The following DERA variants were observed in gnomAD, a reference collection of about 807,000 sequenced individuals.
The protein encoded by DERA is 2-deoxy-D-ribose 5-phosphate aldolase.
A neutral mutation model predicts 41.1 loss-of-function variants in DERA; 15 were observed. The observed-to-expected ratio is 0.37, with a 90% confidence interval of 0.24 to 0.56. The LOEUF (loss-of-function observed/expected upper bound fraction) is 0.56, where lower values mean the gene tolerates loss of function less well. Among genes scored for constraint, DERA ranks in the 20% least tolerant of loss-of-function variants. The pLI, the probability that DERA is intolerant of heterozygous loss-of-function variation, is 0.81. For synonymous variants in DERA, 139 were observed against 137.4 expected (o/e 1.01, Z -0.08); for missense variants, 396 against 403.4 (o/e 0.98, Z 0.16).
rs554681578 is a variant in DERA at position 15,976,741 on chromosome 12, A to T, written c.509-5567A>T. Among the ~76,000 whole-genome samples, 24 of 152,294 alleles carry T rather than the reference A, an allele frequency of 1.6e-4. No individual in the cohort carries two copies. The highest frequency in any genetic ancestry group is 3.4e-3 in the Middle Eastern group (1 of 294). ...TTCCTAACCGTTTTAATACTTTTAT[A>T]TTTATTGGCAGAATTTGAGAAGGGT... On this transcript the variant is annotated intron_variant, in intron 5 of 8. Coordinates refer to ENST00000428559, the MANE Select transcript of DERA (RefSeq NM_015954.4). This position sits in a 1 kb window ranked among gnomAD's most constrained non-coding sequence, Gnocchi z 4.1.
intron 5 of DERA, among the ~76,000 whole-genome samples, chr12:15,979,836 A>G (rs2069410644): frequency 6.6e-6 from 1 of 152,250 alleles, no homozygotes. Context: ...GGTTAATTTT[A>G]ACTATACTTC....
At position 15,935,882 on chromosome 12, in the gene DERA, A is replaced by G. The variant is rs1387451072; in HGVS notation, c.32-21054A>G. ...TCTCTCATGAGGTTGCAATCAAGTTATTGGCCCAGGCAGCCATCACCTGAA... is the reference window on the plus strand; with the variant it reads ...TCTCTCATGAGGTTGCAATCAAGTTGTTGGCCCAGGCAGCCATCACCTGAA... On this transcript the variant is annotated intron_variant, in intron 1 of 8. Transcript: ENST00000428559. The surrounding 1 kb of genome is among the most constrained non-coding windows in gnomAD (Gnocchi z 4.8). Among the ~76,000 whole-genome samples, 1 of 152,162 alleles carries G rather than the reference A, an allele frequency of 6.6e-6. No homozygotes were observed. Among genetic ancestry groups the G allele is most frequent in the African/African-American group, 2.4e-5 (1 of 41,436 alleles).
rs958299473 is a variant in DERA at position 15,984,176 on chromosome 12, C to T, written c.637+1740C>T. 2.0e-4 allele frequency among the ~76,000 whole-genome samples: 31 copies of T among 152,258 alleles called. 1 individual carries two copies. Among genetic ancestry groups the T allele is most frequent in the Middle Eastern group, 3.4e-3 (1 of 294 alleles). ...GCTGAGATACTCCTCAGGGTCACAT[C>T]GGAGCCAATCTTGTGATACCTGTTA... On this transcript the variant is annotated intron_variant, in intron 6 of 8. Coordinates refer to ENST00000428559, the MANE Select transcript of DERA (RefSeq NM_015954.4). The surrounding 1 kb of genome is among the most constrained non-coding windows in gnomAD (Gnocchi z 4.5).
rs1948564166 is a variant in DERA, at chr12:15,959,143, A to G, written c.278-686A>G. Among the ~76,000 whole-genome samples the G allele has an allele frequency of 1.3e-5, 2 of 151,970 alleles. No individual in the cohort carries two copies. ...GTTTAGGTTTGTAGGTAACATACAA[A>G]CCTAAACAACTCTACGGCTTTTGAA... is the stretch of plus-strand genomic sequence containing the variant. On this transcript the variant is annotated intron_variant, in intron 3 of 8. Transcript: ENST00000428559. The surrounding 1 kb of genome is among the most constrained non-coding windows in gnomAD (Gnocchi z 4.5).
Position 16,036,722 on chromosome 12 carries a change from T to C in DERA, c.933T>C (p.Ala311=). The change falls in exon 9 of 9, where the codon GCT becomes GCC. Residue 311 remains alanine (A), a synonymous_variant. Transcript: ENST00000428559. The surrounding 1 kb of genome is among the most constrained non-coding windows in gnomAD (Gnocchi z 4.9). ...IYHHVTGRYA[A]YHDLPMS ...ATCATGTGACTGGAAGATATGCAGC[T>C]TATCATGATCTTCCAATGTCTTAAA... is the stretch of plus-strand genomic sequence containing the variant. 1.2e-6 allele frequency: 2 copies of C among 1,601,122 alleles called. No individual in the cohort carries two copies. Among genetic ancestry groups the C allele is most frequent in the Non-Finnish European group, 1.7e-6 (2 of 1,176,016 alleles).
intron 1 of DERA, among the ~76,000 whole-genome samples, chr12:15,949,857 C>T (rs1948483922): frequency 6.6e-6 from 1 of 152,172 alleles, no homozygotes; most frequent in African/African-American, 2.4e-5. Flanking sequence ...CCTGTTTCTT[C>T]TTTTTTAAAA....
In DERA at chr12:15,915,713, A is replaced by T. The variant is rs1948194139; in HGVS notation, c.31+4299A>T. On this transcript the variant is annotated intron_variant, in intron 1 of 8. Coordinates refer to ENST00000428559, the MANE Select transcript of DERA (RefSeq NM_015954.4). The surrounding 1 kb of genome is among the most constrained non-coding windows in gnomAD (Gnocchi z 4.8). ...GTGCTTAGGTGCTGGGTATAATGAT[A>T]GTGTCAACACAGAGCTCTAGCTACT... Among the ~76,000 whole-genome samples, 1 of 152,202 alleles carries T rather than the reference A, an allele frequency of 6.6e-6. No homozygotes were observed. The highest frequency in any genetic ancestry group is 2.4e-5 in the African/African-American group (1 of 41,446).
chr12:15,979,383 A>G (rs1948718583), intron 5 of DERA, among the ~76,000 whole-genome samples: 1 of 152,182 alleles, frequency 6.6e-6, no homozygotes, highest in African/African-American at 2.4e-5. Context: ...ATCTCCTGCT[A>G]TTGCTGATGC....
Position 15,958,293 on chromosome 12 carries a change from A to G in DERA, c.235A>G (p.Ile79Val), listed in dbSNP as rs1948556079. ...QRLCYKAKYP[I>V]REDLLKALNM... The stretch of plus-strand genomic sequence containing the variant: ...GCTCTGTTATAAAGCCAAATACCCA[A>G]TCCGGGAAGATCTCTTAAAAGCTTT... Residue 79 changes from isoleucine to valine, a missense_variant, in exon 3 of 9, where the codon ATC becomes GTC. Coordinates refer to ENST00000428559, the MANE Select transcript of DERA (RefSeq NM_015954.4). The G allele has an allele frequency of 1.2e-6, 2 of 1,603,260 alleles. No individual in the cohort carries two copies. The highest frequency in any genetic ancestry group is 1.3e-5 in the African/African-American group (1 of 74,734).
intron 6 of DERA, among the ~76,000 whole-genome samples, chr12:16,032,185 T>C (rs575139162): frequency 9.8e-5 from 15 of 152,298 alleles, no homozygotes; most frequent in Admixed American, 5.9e-4. Flanking sequence ...TCCTGTTTTG[T>C]AGTAAAATGT....
rs1463546308 is a variant in DERA at position 15,935,838 on chromosome 12, G to A, written c.32-21098G>A. ...TCAAAAATTTGAGAATGGCTTAGCT[G>A]GGTGGTTCTGGCTTGGGGTCTCTCA... On this transcript the variant is annotated intron_variant, in intron 1 of 8. Coordinates refer to ENST00000428559, the MANE Select transcript of DERA (RefSeq NM_015954.4). This position sits in a 1 kb window ranked among gnomAD's most constrained non-coding sequence, Gnocchi z 4.8. Among the ~76,000 whole-genome samples the A allele has an allele frequency of 6.6e-6, 1 of 152,114 alleles. No individual in the cohort carries two copies. Among genetic ancestry groups the A allele is most frequent in the Admixed American group, 6.6e-5 (1 of 15,260 alleles).
At position 15,959,941 on chromosome 12, in the gene DERA, C is replaced by G. The variant is rs1480179701; in HGVS notation, c.373+17C>G. On this transcript the variant is annotated intron_variant, in intron 4 of 8. Coordinates refer to ENST00000428559, the MANE Select transcript of DERA (RefSeq NM_015954.4). This position sits in a 1 kb window ranked among gnomAD's most constrained non-coding sequence, Gnocchi z 4.5. ...TGGCATCAGGTAAAATGTGTTGTGG[C>G]TTTTGTTGTTATTTTTTAAACATGT... 2 of 1,517,294 alleles carry G rather than the reference C, an allele frequency of 1.3e-6. No individual in the cohort carries two copies. The highest frequency in any genetic ancestry group is 1.8e-6 in the Non-Finnish European group (2 of 1,120,068). 94.0% of individuals were successfully genotyped at this position (1,517,294 alleles called of 1,614,324 possible).
rs1948952443 is a variant in DERA, at chr12:16,012,384, G to C, written c.638-20158G>C. 6.6e-6 allele frequency among the ~76,000 whole-genome samples: 1 copy of C among 152,228 alleles called. No individual in the cohort carries two copies. Among genetic ancestry groups the C allele is most frequent in the Non-Finnish European group, 1.5e-5 (1 of 68,032 alleles). ...GAAACCACTGAAAATACTCATGACAGAGGAAACTGTATTTCCTAGAATTTC... is the reference window on the plus strand; with the variant it reads ...GAAACCACTGAAAATACTCATGACACAGGAAACTGTATTTCCTAGAATTTC... On this transcript the variant is annotated intron_variant, in intron 6 of 8. Transcript: ENST00000428559. This position sits in a 1 kb window ranked among gnomAD's most constrained non-coding sequence, Gnocchi z 4.1.
intron 6 of DERA, among the ~76,000 whole-genome samples, chr12:16,007,713 C>T (rs576316908): frequency 3.9e-5 from 6 of 152,142 alleles, no homozygotes; most frequent in Non-Finnish European, 5.9e-5. Context: ...AAAAATTTCT[C>T]GTTGATTCAG....
chr12:16,028,837 G>T (rs911572782), intron 6 of DERA, among the ~76,000 whole-genome samples: 18 of 152,110 alleles, frequency 1.2e-4, no homozygotes, highest in Admixed American at 9.8e-4. Flanking sequence ...AAACTGTCAA[G>T]ATCATCAAAA....
At chr12:16,034,640 GT>G (rs768147923) in intron 7 of DERA, among the ~76,000 whole-genome samples, 1 of 152,090 alleles carries the variant, frequency 6.6e-6, no homozygotes, top group Non-Finnish European at 1.5e-5. Context: ...TGATTTAAGG[GT>G]GTTTTAAAAT....
At chr12:15,916,916 T>C (rs1948204561) in intron 1 of DERA, among the ~76,000 whole-genome samples, 1 of 152,140 alleles carries the variant, frequency 6.6e-6, no homozygotes, top group African/African-American at 2.4e-5. Flanking sequence ...CAGGCTCTTG[T>C]TCTTTAGGTT....
rs187774090 is a variant in DERA, at chr12:15,943,276, C to G, written c.32-13660C>G. On this transcript the variant is annotated intron_variant, in intron 1 of 8. Transcript: ENST00000428559. The surrounding 1 kb of genome is among the most constrained non-coding windows in gnomAD (Gnocchi z 4.5). ...TATTTGTTTGAAGACAAATTTTAAACGCAGAGTAGAAAAGCAATAGTCAGT... is the reference window on the plus strand; with the variant it reads ...TATTTGTTTGAAGACAAATTTTAAAGGCAGAGTAGAAAAGCAATAGTCAGT... 2.0e-5 allele frequency among the ~76,000 whole-genome samples: 3 copies of G among 152,272 alleles called. No individual in the cohort carries two copies. In the East Asian group the frequency reaches 5.8e-4, roughly 29 times the overall value.
rs1948794679 is a variant in DERA at position 15,990,518 on chromosome 12, G to A, written c.637+8082G>A. On this transcript the variant is annotated intron_variant, in intron 6 of 8. Coordinates refer to ENST00000428559, the MANE Select transcript of DERA (RefSeq NM_015954.4). This position sits in a 1 kb window ranked among gnomAD's most constrained non-coding sequence, Gnocchi z 4.3. ...GTTACATAGGTGAACTTGTGTCATG[G>A]GGTTTTGTTGTACAGATTATTTCCT... is the stretch of plus-strand genomic sequence containing the variant. Among the ~76,000 whole-genome samples, 1 of 152,022 alleles carries A rather than the reference G, an allele frequency of 6.6e-6. No homozygotes were observed. The highest frequency in any genetic ancestry group is 6.6e-5 in the Admixed American group (1 of 15,262).
Sources: gnomAD v4.1 joint callset for allele counts (sites outside exome capture counted in the v4.1 genomes callset) on GRCh38, gnomAD v4.1.1 for gene constraint, Gnocchi (gnomAD v3.1) non-coding constraint, MANE v1.5 for transcripts, NCBI Gene and HGNC (gene_info 2026-07-23, HGNC 2026-07-21) for gene names.